Variants in LITAFD observed in about 807,000 individuals in gnomAD.
LITAFD encodes the protein lITAF domain-containing protein.
At chr16:8,884,234 G>A (rs985976870) in intron 2 of LITAFD, 89 bp from the exon 3 acceptor site, 1 of 397,158 alleles carries the variant, frequency 2.5e-6, no homozygotes, top group African/African-American at 2.1e-5. Flanking sequence ...CCCATCTCAG[G>A]TGAGCACCGA....
At position 8,884,408 on chromosome 16, in the gene LITAFD, C is replaced by A. The variant is rs180985924; in HGVS notation, c.53C>A (p.Thr18Lys). ...TGTGGAAACCGCATCATCACGGTGA[C>A]GACCTTTGTCCCGGGTGCCCTCACC... The change falls in exon 3 of 4, where the codon ACG becomes AAG. Residue 18 changes from threonine to lysine, a missense_variant. Physicochemically the swap from Thr to Lys is moderately conservative, Grantham distance 78 (BLOSUM62 -1). Transcript: ENST00000636296. 667 of 399,262 alleles carry A rather than the reference C, an allele frequency of 1.7e-3. 2 individuals are homozygous for A. Among genetic ancestry groups the A allele is most frequent in the African/African-American group, 0.013 (612 of 48,758 alleles). The allele number at this position is 399,262 out of a possible 1,614,324, so 24.7% of individuals were successfully genotyped here. A position where few individuals can be genotyped will look rare whatever the true frequency, so the allele number is the denominator to read the frequency against.
chr16:8,885,107 C>T, intron 3 of LITAFD, 80 bp from the exon 4 acceptor site: 1 of 399,264 alleles, frequency 2.5e-6, no homozygotes, highest in Admixed American at 4.4e-5. Context: ...CCCTCCCAGA[C>T]TCTGCCTGGG....
chr16:8,884,495 G>T (rs961646864), intron 3 of LITAFD, 30 bp downstream of exon 3: 3 of 399,272 alleles, frequency 7.5e-6, no homozygotes, highest in African/African-American at 2.1e-5. Flanking sequence ...CCGCTGCAGA[G>T]GCCTGAGCAT....
At chr16:8,883,797 G>A (rs1280433114) in intron 2 of LITAFD, among the ~76,000 whole-genome samples, 1 of 152,224 alleles carries the variant, frequency 6.6e-6, no homozygotes, top group Non-Finnish European at 1.5e-5. Context: ...AGGTGCGGTG[G>A]CTCAGGCCTG....
At chr16:8,884,357 T>A (rs1596338824) in exon 3 of LITAFD, 1 of 399,194 alleles carries the variant, frequency 2.5e-6, no homozygotes, top group Non-Finnish European at 4.4e-6. Flanking sequence ...GGGACGTCCA[T>A]GCCGGTGCAG....
chr16:8,884,370 C>T (rs973424217), exon 3 of LITAFD: 19 of 399,098 alleles, frequency 4.8e-5, no homozygotes, highest in Non-Finnish European at 7.5e-5. Context: ...CGGTGCAGGC[C>T]GTGTGTCCCT....
In LITAFD at chr16:8,884,311, C is replaced by T; in HGVS notation, c.-33-12C>T. 2.5e-6 allele frequency: 1 copy of T among 399,124 alleles called. No homozygotes were observed. The highest frequency in any genetic ancestry group is 3.6e-5 in the East Asian group (1 of 28,056). The allele number at this position is 399,124 out of a possible 1,614,324, so 24.7% of individuals were successfully genotyped here. On this transcript the variant is annotated splice_polypyrimidine_tract_variant and intron_variant, in intron 2 of 3. Transcript: ENST00000636296. Reference sequence around the variant, plus strand: ...GGGGGTCCCACCTGCTTCCCGCTTCCCACTCCCACAGCTGTATGCCGGCAT... The same window carrying T: ...GGGGGTCCCACCTGCTTCCCGCTTCTCACTCCCACAGCTGTATGCCGGCAT...
chr16:8,885,039 C>CTCCA (rs1358661790), intron 3 of LITAFD, 148 bp from the exon 4 acceptor site: 4 of 399,020 alleles, frequency 1.0e-5, no homozygotes, highest in African/African-American at 2.1e-5. Context: ...CGCCACTGCA[C>CTCCA]TCCAGCCTGG....
At chr16:8,883,077 C>G (rs1221161711) in intron 1 of LITAFD, 133 bp from the exon 2 acceptor site, 1 of 152,234 alleles carries the variant, frequency 6.6e-6, no homozygotes, top group African/African-American at 2.4e-5. Context: ...CTCGGGTGCT[C>G]TGCTGCCTTG....
chr16:8,884,218 C>T (rs762325763), intron 2 of LITAFD, 105 bp from the exon 3 acceptor site: 1 of 397,238 alleles, frequency 2.5e-6, no homozygotes, highest in Admixed American at 4.4e-5. Flanking sequence ...CAGATCCCAG[C>T]ATCTCCCCAT....
Position 8,884,351 on chromosome 16 carries a change from C to T in LITAFD, c.-5C>T, listed in dbSNP as rs1353157962. 1.3e-5 allele frequency: 5 copies of T among 399,018 alleles called. No homozygotes were observed. Among genetic ancestry groups the T allele is most frequent in the East Asian group, 3.6e-5 (1 of 28,080 alleles). The allele number at this position is 399,018 out of a possible 1,614,324, so 24.7% of individuals were successfully genotyped here. Reference sequence around the variant, plus strand: ...TATGCCGGCATGTCCGTGGTGGGGACGTCCATGCCGGTGCAGGCCGTGTGT... The same window carrying T: ...TATGCCGGCATGTCCGTGGTGGGGATGTCCATGCCGGTGCAGGCCGTGTGT... On this transcript the variant is annotated 5_prime_UTR_variant, in exon 3 of 4. In the 5' UTR this introduces an upstream ATG that the reference lacks. Transcript: ENST00000636296.
At chr16:8,884,272 G>T (rs1372983368) in intron 2 of LITAFD, 51 bp from the exon 3 acceptor site, 3 of 398,312 alleles carry the variant, frequency 7.5e-6, no homozygotes, top group Non-Finnish European at 1.3e-5. Flanking sequence ...GAAGCCACAG[G>T]GGTCCTGGCC....
chr16:8,883,664 G>A lies in LITAFD; in HGVS notation c.-34+378G>A, dbSNP rs191659054. ...CCCCCCAGGTGGGGCCTGGGTTTTG[G>A]GAATTTAAACAAATTTTCCAAGGAA... On this transcript the variant is annotated intron_variant, in intron 2 of 3. Coordinates refer to ENST00000636296, the Ensembl canonical transcript of LITAFD. Among the ~76,000 whole-genome samples, 47 of 152,314 alleles carry A rather than the reference G, an allele frequency of 3.1e-4. 1 individual carries two copies. The East Asian group carries it at 5.4e-3, about 17-fold the overall frequency.
intron 2 of LITAFD, 34 bp from the exon 3 acceptor site, chr16:8,884,289 G>C: frequency 2.5e-6 from 1 of 398,908 alleles, no homozygotes; most frequent in Non-Finnish European, 4.4e-6. Context: ...GGCCCCGGGG[G>C]GTCCCACCTG....
At chr16:8,884,434 T>G (rs553875221) in exon 3 of LITAFD, 1 of 286,470 alleles carries the variant, frequency 3.5e-6, no homozygotes. Context: ...TGCCCTCACC[T>G]GGCTGCTGTG....
chr16:8,884,682 T>C (rs1018439733), intron 3 of LITAFD, among the ~76,000 whole-genome samples: 1 of 152,078 alleles, frequency 6.6e-6, no homozygotes, highest in African/African-American at 2.4e-5. Flanking sequence ...GGGTGAGTGA[T>C]GCCTACAAAG....
chr16:8,885,322 G>C (rs1000334851), exon 4 of LITAFD: 23 of 398,866 alleles, frequency 5.8e-5, no homozygotes, highest in Non-Finnish European at 8.8e-6. Context: ...TGCCAGGGGT[G>C]CCACCTGGGC....
Position 8,884,322 on chromosome 16 carries a change from G to C in LITAFD, c.-33-1G>C. 1 of 399,178 alleles carries C rather than the reference G, an allele frequency of 2.5e-6. No homozygotes were observed. Among genetic ancestry groups the C allele is most frequent in the Non-Finnish European group, 4.4e-6 (1 of 226,158 alleles). 24.7% of individuals were successfully genotyped at this position (399,178 alleles called of 1,614,324 possible). A position where few individuals can be genotyped will look rare whatever the true frequency, so the allele number is the denominator to read the frequency against. On this transcript the variant is annotated splice_acceptor_variant, in intron 2 of 3. Coordinates refer to ENST00000636296, the Ensembl canonical transcript of LITAFD. LOFTEE classifies it low-confidence loss of function (5UTR_SPLICE). ...CTGCTTCCCGCTTCCCACTCCCACAGCTGTATGCCGGCATGTCCGTGGTGG... is the reference window on the plus strand; with the variant it reads ...CTGCTTCCCGCTTCCCACTCCCACACCTGTATGCCGGCATGTCCGTGGTGG...
At chr16:8,883,615 G>T (rs1279467150) in intron 2 of LITAFD, among the ~76,000 whole-genome samples, 1 of 151,972 alleles carries the variant, frequency 6.6e-6, no homozygotes, top group Non-Finnish European at 1.5e-5. Context: ...CACCCCTCAG[G>T]CCACAGAGGA....
Sources: allele counts gnomAD v4.1 joint callset (sites outside exome capture counted in the v4.1 genomes callset), GRCh38; gene constraint gnomAD v4.1.1; transcripts MANE v1.5; gene names NCBI Gene and HGNC (gene_info 2026-07-23, HGNC 2026-07-21).